FZD3: variants seen among roughly 807,000 people sequenced by gnomAD.
FZD3 encodes frizzled-3.
A neutral mutation model predicts 60.7 loss-of-function variants in FZD3; 30 were observed. That is an observed-to-expected ratio of 0.49 (90% CI 0.37 to 0.67). FZD3 has a LOEUF of 0.67. FZD3 is among the 30% of genes least tolerant of loss of function. The pLI is 0.00. For synonymous variants in FZD3, 246 were observed against 275.2 expected, an observed-to-expected ratio of 0.89 and a Z score of 1.05; for missense variants, 605 against 838.7, an observed-to-expected ratio of 0.72 and a Z score of 3.44.
rs943060706 is a variant in FZD3 at position 28,572,593 on chromosome 8, G to A, written c.*9582G>A. 2 of 151,992 alleles carry A rather than the reference G, an allele frequency of 1.3e-5. No homozygotes were observed. The highest frequency in any genetic ancestry group is 2.4e-5 in the African/African-American group (1 of 41,394). 9.4% of individuals were successfully genotyped at this position (151,992 alleles called of 1,614,324 possible). A position where few individuals can be genotyped will look rare whatever the true frequency, so the allele number is the denominator to read the frequency against. On this transcript the variant is annotated 3_prime_UTR_variant, in exon 8 of 8. Transcript: ENST00000240093. ...TAATCTGAGATATTGTTATGTATTA[G>A]GTTTGTGCAAACCTAATATAAAAGG...
At chr8:28,521,127 T>TTTTTCTATTTGTGAAAA (rs769259459) in intron 4 of FZD3, among the ~76,000 whole-genome samples, 17 of 152,204 alleles carry the variant, frequency 1.1e-4, no homozygotes, top group Non-Finnish European at 2.2e-4. Context: ...AAAATAGTGC[T>TTTTTCTATTTGTGAAAA]ATTTGTGAAA....
At chr8:28,520,237 GAAGA>G (rs1288495490) in intron 3 of FZD3, among the ~76,000 whole-genome samples, 1 of 121,522 alleles carries the variant, frequency 8.2e-6, no homozygotes, top group Non-Finnish European at 1.8e-5. Flanking sequence ...AAAAAAAAAG[GAAGA>G]AAGAAAGAAA....
intron 3 of FZD3, chr8:28,505,034 A>G (rs1449387814): frequency 6.5e-6 from 1 of 154,602 alleles, no homozygotes; most frequent in African/African-American, 2.4e-5. Flanking sequence ...TGCATATTGC[A>G]TGTTTATCGT....
chr8:28,520,297 T>C (rs1334093383), intron 3 of FZD3, among the ~76,000 whole-genome samples: 5 of 151,638 alleles, frequency 3.3e-5, no homozygotes, highest in African/African-American at 1.2e-4. Flanking sequence ...CCATCACCAA[T>C]CTAGTCACAC....
At chr8:28,553,809 G>A (rs1391491530) in intron 6 of FZD3, among the ~76,000 whole-genome samples, 1 of 152,148 alleles carries the variant, frequency 6.6e-6, no homozygotes, top group South Asian at 2.1e-4. Flanking sequence ...TTTGGGAAAC[G>A]ACTATAAGAT....
rs1168654264 is a variant in FZD3, at chr8:28,566,803, T to G, written c.*3792T>G. The G allele has an allele frequency of 1.3e-5, 2 of 152,192 alleles. No individual in the cohort carries two copies. The highest frequency in any genetic ancestry group is 2.9e-5 in the Non-Finnish European group (2 of 68,020). 9.4% of individuals were successfully genotyped at this position (152,192 alleles called of 1,614,324 possible). On this transcript the variant is annotated 3_prime_UTR_variant, in exon 8 of 8. Coordinates refer to ENST00000240093, the MANE Select transcript of FZD3 (RefSeq NM_017412.4). ...GGTGTAATGAAAATTCCCCTGGGAT[T>G]GGAATTTTAAGACTCATGATGTCAA...
intron 3 of FZD3, among the ~76,000 whole-genome samples, chr8:28,517,351 C>T (rs1804455684): frequency 6.6e-6 from 1 of 152,154 alleles, no homozygotes; most frequent in African/African-American, 2.4e-5. Context: ...CCACTGACTG[C>T]CCTTAACATA....
chr8:28,539,615 C>G (rs979456198), intron 5 of FZD3, among the ~76,000 whole-genome samples: 4 of 152,122 alleles, frequency 2.6e-5, no homozygotes, highest in Admixed American at 1.3e-4. Context: ...ATGACAGACT[C>G]TGTATGAACC....
rs779405901 is a variant in FZD3 at position 28,520,824 on chromosome 8, G to C, written c.376G>C (p.Glu126Gln). 6.3e-7 allele frequency: 1 copy of C among 1,589,610 alleles called. No individual in the cohort carries two copies. The highest frequency in any genetic ancestry group is 8.6e-7 in the Non-Finnish European group (1 of 1,165,968). Residue 126 changes from glutamate to glutamine, a missense_variant, in exon 4 of 8, where the codon GAA becomes CAA. Physicochemically the swap from Glu to Gln is conservative, Grantham distance 29. Coordinates refer to ENST00000240093, the MANE Select transcript of FZD3 (RefSeq NM_017412.4). ...MFGVPWPEDM[E>Q]CSRFPDCDEP... ...TGGTGTTCCTTGGCCTGAAGATATG[G>C]AATGCAGTAGGTGCGAAAATCATAG... is the stretch of plus-strand genomic sequence containing the variant.
rs1805848742 is a variant in FZD3, at chr8:28,573,879, G to A, written c.*10868G>A. On this transcript the variant is annotated 3_prime_UTR_variant, in exon 8 of 8. Transcript: ENST00000240093. Reference sequence around the variant, plus strand: ...TCAAATTGCTGAGGTGATTCTAAATGTCTAATGTTGATTTATCATATAAAC... The same window carrying A: ...TCAAATTGCTGAGGTGATTCTAAATATCTAATGTTGATTTATCATATAAAC... The A allele has an allele frequency of 6.6e-6, 1 of 152,122 alleles. No homozygotes were observed. Among genetic ancestry groups the A allele is most frequent in the Non-Finnish European group, 1.5e-5 (1 of 68,008 alleles). The allele number at this position is 152,122 out of a possible 1,614,324, so 9.4% of individuals were successfully genotyped here.
chr8:28,545,312 A>G (rs1805269453), intron 5 of FZD3, among the ~76,000 whole-genome samples: 1 of 152,224 alleles, frequency 6.6e-6, no homozygotes, highest in Admixed American at 6.5e-5. Context: ...GTGATTCTGT[A>G]TGACCCCAAG....
At chr8:28,559,224 A>G (rs1585195200) in intron 7 of FZD3, among the ~76,000 whole-genome samples, 1 of 152,340 alleles carries the variant, frequency 6.6e-6, no homozygotes, top group South Asian at 2.1e-4. Flanking sequence ...GTAGTTGGCA[A>G]TTAAAATTGT....
chr8:28,567,902 A>AT lies in FZD3; in HGVS notation c.*4891_*4892insT, dbSNP rs1292852525. 3.9e-5 allele frequency: 6 copies of AT among 152,190 alleles called. No homozygotes were observed. In the East Asian group the frequency reaches 5.8e-4, roughly 15 times the overall value. The allele number at this position is 152,190 out of a possible 1,614,324, so 9.4% of individuals were successfully genotyped here. On this transcript the variant is annotated 3_prime_UTR_variant, in exon 8 of 8. Coordinates refer to ENST00000240093, the MANE Select transcript of FZD3 (RefSeq NM_017412.4). ...ATTAGCTTGACTTAAATTATAAAAA[A>AT]AAATATATATGAAGAAGAATGTAGA...
In FZD3 at chr8:28,513,619, G is replaced by A. The variant is rs575725269; in HGVS notation, c.190-7019G>A. Among the ~76,000 whole-genome samples the A allele has an allele frequency of 4.7e-4, 71 of 152,198 alleles. 1 individual carries two copies. Among genetic ancestry groups the A allele is most frequent in the Non-Finnish European group, 7.6e-4 (52 of 68,000 alleles). Reference sequence around the variant, plus strand: ...TTAGGCATTTTATTGTTACAGAAAGGGGATTTTTAAAAGGTGTCATTTTTA... The same window carrying A: ...TTAGGCATTTTATTGTTACAGAAAGAGGATTTTTAAAAGGTGTCATTTTTA... On this transcript the variant is annotated intron_variant, in intron 3 of 7. Transcript: ENST00000240093.
chr8:28,558,395 A>G (rs1563407247), intron 7 of FZD3, among the ~76,000 whole-genome samples: 2 of 151,616 alleles, frequency 1.3e-5, no homozygotes, highest in Non-Finnish European at 2.9e-5. Flanking sequence ...ATTTGACGTT[A>G]TTGGCCTTAT....
At chr8:28,512,074 A>G (rs1323436161) in intron 3 of FZD3, among the ~76,000 whole-genome samples, 1 of 152,216 alleles carries the variant, frequency 6.6e-6, no homozygotes, top group Non-Finnish European at 1.5e-5. Flanking sequence ...TTCCAGTACC[A>G]AGGTTACCAC....
At chr8:28,562,774 C>G (rs1563408908) in intron 7 of FZD3, 24 bp from the exon 8 acceptor site, 26 of 1,412,698 alleles carry the variant, frequency 1.8e-5, no homozygotes, top group Non-Finnish European at 2.5e-5. Context: ...CTGTTACCCA[C>G]TTCAAAATAA....
At chr8:28,494,719 G>A (rs1314217009) in intron 1 of FZD3, among the ~76,000 whole-genome samples, 2 of 152,132 alleles carry the variant, frequency 1.3e-5, no homozygotes, top group East Asian at 3.9e-4. Context: ...GTGGACCGCG[G>A]TTCGCTCGCC....
intron 5 of FZD3, among the ~76,000 whole-genome samples, chr8:28,548,769 A>AT (rs1166259829): frequency 5.3e-5 from 8 of 151,760 alleles, no homozygotes; most frequent in African/African-American, 1.9e-4. Context: ...AACTCTTGGT[A>AT]TTTTTTTTGG....
Sources: gnomAD v4.1 joint callset for allele counts (sites outside exome capture counted in the v4.1 genomes callset) on GRCh38, gnomAD v4.1.1 for gene constraint, MANE v1.5 for transcripts, NCBI Gene and HGNC (gene_info 2026-07-23, HGNC 2026-07-21) for gene names.